The following EPC2 variants were observed in gnomAD, a reference collection of about 807,000 sequenced individuals.
EPC2 encodes enhancer of polycomb 2.
In EPC2, 14 loss-of-function variants were observed where a neutral mutation model predicts 92.1. The observed-to-expected ratio is 0.15, with a 90% CI of 0.10 to 0.24. The LOEUF is 0.24. EPC2 is among the 10% of genes least tolerant of loss of function. The pLI is 1.00. For missense variants in EPC2, 755 were observed against 971.5 expected, an observed-to-expected ratio of 0.78 and a Z score of 2.96; for synonymous variants, 340 against 334.7, an observed-to-expected ratio of 1.02 and a Z score of -0.17.
chr2:148,748,462 A>G (rs1290966901), intron 3 of EPC2, among the ~76,000 whole-genome samples: 1 of 152,084 alleles, frequency 6.6e-6, no homozygotes, highest in Non-Finnish European at 1.5e-5. Context: ...ACTTCTTTAA[A>G]ATCATCCCAA....
At chr2:148,726,001 T>G (rs1281540216) in intron 2 of EPC2, among the ~76,000 whole-genome samples, 1 of 152,154 alleles carries the variant, frequency 6.6e-6, no homozygotes, top group East Asian at 1.9e-4. Flanking sequence ...ACCATTCTGC[T>G]TTTTGTTTTT....
intron 10 of EPC2, 136 bp from the exon 11 acceptor site, chr2:148,781,508 T>C (rs959966847): frequency 1.0e-4 from 83 of 828,946 alleles, no homozygotes; most frequent in Non-Finnish European, 1.4e-4. Context: ...TTTCATTAGA[T>C]TATTTTCTGA....
chr2:148,782,452 G>A (rs963896929), intron 11 of EPC2, among the ~76,000 whole-genome samples: 1 of 151,902 alleles, frequency 6.6e-6, no homozygotes, highest in Admixed American at 6.6e-5. Context: ...CATGAGAATC[G>A]CTTGAACCCT....
intron 1 of EPC2, among the ~76,000 whole-genome samples, chr2:148,650,874 C>G (rs541534484): frequency 6.6e-6 from 1 of 152,182 alleles, no homozygotes; most frequent in Non-Finnish European, 1.5e-5. Flanking sequence ...TATTGGGAAA[C>G]TAAAGTGTTC....
chr2:148,763,350 T>G (rs1164133608), intron 6 of EPC2, among the ~76,000 whole-genome samples: 5 of 152,194 alleles, frequency 3.3e-5, no homozygotes, highest in Non-Finnish European at 5.9e-5. Context: ...AGTGGTTATT[T>G]TAGTCACTTG....
intron 3 of EPC2, among the ~76,000 whole-genome samples, chr2:148,751,167 C>T (rs1338199175): frequency 2.0e-5 from 3 of 152,022 alleles, no homozygotes; most frequent in African/African-American, 7.2e-5. Context: ...ACCTAGTTGA[C>T]TGTTTTGTAA....
chr2:148,676,364 C>G (rs562898721), intron 1 of EPC2, among the ~76,000 whole-genome samples: 2 of 148,876 alleles, frequency 1.3e-5, no homozygotes, highest in African/African-American at 2.5e-5. Flanking sequence ...TGTCAAAGTA[C>G]CTATAAGAAG....
chr2:148,652,161 G>A (rs1409709781), intron 1 of EPC2, among the ~76,000 whole-genome samples: 5 of 152,182 alleles, frequency 3.3e-5, no homozygotes, highest in African/African-American at 9.6e-5. Context: ...AAGAGAAGGG[G>A]AAGTTAGTAT....
intron 2 of EPC2, among the ~76,000 whole-genome samples, chr2:148,717,471 T>C (rs997335643): frequency 5.9e-5 from 9 of 152,340 alleles, no homozygotes; most frequent in Middle Eastern, 3.4e-3. Flanking sequence ...AGAGAAATTA[T>C]TGATTTCTGC....
chr2:148,706,856 C>T (rs1480342224), intron 2 of EPC2, among the ~76,000 whole-genome samples: 1 of 152,156 alleles, frequency 6.6e-6, no homozygotes, highest in Non-Finnish European at 1.5e-5. Context: ...AAGCACTAAA[C>T]ATGGAAAGGA....
chr2:148,724,246 T>C (rs1682443051), intron 2 of EPC2, among the ~76,000 whole-genome samples: 1 of 152,152 alleles, frequency 6.6e-6, no homozygotes, highest in Non-Finnish European at 1.5e-5. Flanking sequence ...ATTTTTGTTT[T>C]ATAATTTTTA....
At chr2:148,762,873 T>C (rs1355276040) in intron 6 of EPC2, 71 bp downstream of exon 6, 10 of 1,468,612 alleles carry the variant, frequency 6.8e-6, no homozygotes, top group Non-Finnish European at 9.1e-6. Flanking sequence ...TTTCTGCAGT[T>C]GTCTTAATAT....
At chr2:148,677,687 T>A (rs1358098547) in intron 1 of EPC2, among the ~76,000 whole-genome samples, 3 of 152,142 alleles carry the variant, frequency 2.0e-5, no homozygotes, top group Non-Finnish European at 2.9e-5. Context: ...GTCCAGAGTT[T>A]GTTCCTTCTG....
chr2:148,651,582 G>A (rs1680686015), intron 1 of EPC2, among the ~76,000 whole-genome samples: 1 of 152,190 alleles, frequency 6.6e-6, no homozygotes, highest in Non-Finnish European at 1.5e-5. Context: ...ATAGATGAAA[G>A]ACCACTGAAG....
chr2:148,764,203 A>G (rs1008764934), intron 6 of EPC2, among the ~76,000 whole-genome samples: 17 of 152,206 alleles, frequency 1.1e-4, no homozygotes, highest in African/African-American at 3.9e-4. Flanking sequence ...TCTGGACTAG[A>G]TGTGGAAATG....
chr2:148,727,165 C>T (rs77964227), intron 2 of EPC2, among the ~76,000 whole-genome samples: 3,830 of 152,222 alleles, frequency 0.025, 57 homozygotes, highest in East Asian at 0.032. Flanking sequence ...TTCAGTTTCA[C>T]CAGCTCATTT....
intron 3 of EPC2, 30 bp from the exon 4 acceptor site, chr2:148,753,897 A>T (rs780692764): frequency 3.2e-6 from 5 of 1,570,804 alleles, no homozygotes; most frequent in Admixed American, 3.7e-5. Flanking sequence ...CAAACATTGT[A>T]GCCAATGACA....
At chr2:148,735,335 G>A (rs964287219) in intron 2 of EPC2, among the ~76,000 whole-genome samples, 2 of 151,952 alleles carry the variant, frequency 1.3e-5, no homozygotes, top group African/African-American at 4.8e-5. Flanking sequence ...TACAATTTTT[G>A]TCAGTTTGAT....
chr2:148,681,247 T>C (rs1272681839), intron 1 of EPC2, among the ~76,000 whole-genome samples: 1 of 152,160 alleles, frequency 6.6e-6, no homozygotes, highest in Non-Finnish European at 1.5e-5. Flanking sequence ...TTCCGAGAAC[T>C]GATAAAAGAG....
Sources: allele counts gnomAD v4.1 joint callset (sites outside exome capture counted in the v4.1 genomes callset), GRCh38; gene constraint gnomAD v4.1.1; transcripts MANE v1.5; gene names NCBI Gene and HGNC (gene_info 2026-07-23, HGNC 2026-07-21).